The following PLS1 variants were observed in gnomAD, a reference collection of about 807,000 sequenced individuals.
PLS1 encodes plastin 1, also known as plastin-1.
A neutral mutation model predicts 73.7 loss-of-function variants in PLS1; 32 were observed. The ratio of observed to expected loss-of-function variants is 0.43; its 90% CI spans 0.33 to 0.58. The LOEUF (loss-of-function observed/expected upper bound fraction) is 0.58. Among genes scored for constraint, PLS1 ranks in the 20% least tolerant of loss-of-function variants. PLS1 has a pLI of 0.04. For synonymous variants in PLS1, 217 were observed against 261.3 expected (o/e 0.83, Z 1.63); for missense variants, 633 against 740.5 (o/e 0.85, Z 1.68).
chr3:142,656,484 A>G lies in PLS1; in HGVS notation c.-36-7718A>G, dbSNP rs1025253991. On this transcript the variant is annotated intron_variant, in intron 1 of 15. Coordinates refer to ENST00000457734, the MANE Select transcript of PLS1 (RefSeq NM_001145319.2). ...ATATCCCAATTCATACTTATATTCA[A>G]CAGTCAGTAGACATTCCAGTTAAAG... is the stretch of plus-strand genomic sequence containing the variant. 7 of 152,248 alleles carry G rather than the reference A, an allele frequency of 4.6e-5. No individual in the cohort carries two copies. In the East Asian group the frequency reaches 1.3e-3, roughly 29 times the overall value. The allele number at this position is 152,248 out of a possible 1,614,324, so 9.4% of individuals were successfully genotyped here. A position where few individuals can be genotyped will look rare whatever the true frequency, so the allele number is the denominator to read the frequency against.
chr3:142,701,186 T>C (rs1028637929), intron 12 of PLS1, among the ~76,000 whole-genome samples: 2 of 152,230 alleles, frequency 1.3e-5, no homozygotes, highest in Non-Finnish European at 2.9e-5. Flanking sequence ...TCTTCATCTT[T>C]TAGCCTGAGA....
chr3:142,707,283 G>A (rs985896678), intron 14 of PLS1, among the ~76,000 whole-genome samples: 2 of 152,134 alleles, frequency 1.3e-5, no homozygotes, highest in African/African-American at 4.8e-5. Context: ...GGCACTAGCA[G>A]AAAAATTTTA....
intron 1 of PLS1, among the ~76,000 whole-genome samples, chr3:142,621,368 C>T (rs540167641): frequency 6.6e-6 from 1 of 152,150 alleles, no homozygotes; most frequent in East Asian, 1.9e-4. Flanking sequence ...AGGGTAATGT[C>T]CCCATCTACC....
At chr3:142,634,193 G>T (rs1389635719) in intron 1 of PLS1, among the ~76,000 whole-genome samples, 2 of 152,174 alleles carry the variant, frequency 1.3e-5, no homozygotes, top group African/African-American at 4.8e-5. Context: ...ATAACTTTAA[G>T]TGGTCTAATA....
intron 4 of PLS1, 91 bp downstream of exon 4, chr3:142,671,213 T>G: frequency 9.0e-7 from 1 of 1,106,280 alleles, no homozygotes; most frequent in Non-Finnish European, 1.4e-6. Flanking sequence ...CTCATTGTGA[T>G]TCATACCGTT....
At chr3:142,626,336 C>A (rs1194181470) in intron 1 of PLS1, among the ~76,000 whole-genome samples, 1 of 152,128 alleles carries the variant, frequency 6.6e-6, no homozygotes, top group African/African-American at 2.4e-5. Flanking sequence ...AGAGCAAACT[C>A]CCTCGCTGCT....
chr3:142,688,228 A>G (rs113634086), intron 9 of PLS1, among the ~76,000 whole-genome samples: 2,758 of 152,216 alleles, frequency 0.018, 85 homozygotes, highest in African/African-American at 0.062. Context: ...GATTACAGGC[A>G]TGAGCCACCA....
At position 142,678,005 on chromosome 3, in the gene PLS1, A is replaced by G. The variant is rs762903207; in HGVS notation, c.498-27A>G. The G allele has an allele frequency of 1.5e-5, 18 of 1,191,832 alleles. 1 individual carries two copies. The South Asian group carries it at 2.5e-4, about 17-fold the overall frequency. The allele number at this position is 1,191,832 out of a possible 1,614,324, so 73.8% of individuals were successfully genotyped here. A position where few individuals can be genotyped will look rare whatever the true frequency, so the allele number is the denominator to read the frequency against. ...CTAAAAAAATTTCTTGGAGTATTAA[A>G]CTAAATTATTCTCATTTTCTCTTTA... On this transcript the variant is annotated intron_variant, in intron 5 of 15. Transcript: ENST00000457734.
intron 1 of PLS1, among the ~76,000 whole-genome samples, chr3:142,655,997 C>T (rs1178759262): frequency 1.3e-5 from 2 of 151,950 alleles, no homozygotes; most frequent in Non-Finnish European, 2.9e-5. Flanking sequence ...AGTCTCACTC[C>T]GTCACCCAGG....
rs375768031 is a variant in PLS1, at chr3:142,628,066, G to T, written c.-37+31557G>T. On this transcript the variant is annotated intron_variant, in intron 1 of 15. Coordinates refer to ENST00000457734, the MANE Select transcript of PLS1 (RefSeq NM_001145319.2). ...ATCTAATTTCAATGTCTACATAAAA[G>T]AAGCTCAGAGCTCTTTCTTGAATAT... Among the ~76,000 whole-genome samples, 13 of 152,276 alleles carry T rather than the reference G, an allele frequency of 8.5e-5. No homozygotes were observed. The South Asian group carries it at 2.3e-3, about 27-fold the overall frequency.
chr3:142,601,552 CAG>C (rs1400571325), intron 1 of PLS1, among the ~76,000 whole-genome samples: 2 of 152,016 alleles, frequency 1.3e-5, no homozygotes, highest in Non-Finnish European at 2.9e-5. Context: ...TTTTTAAAAA[CAG>C]GGTTTCAGTC....
intron 1 of PLS1, among the ~76,000 whole-genome samples, chr3:142,647,245 ATGT>A (rs1237560775): frequency 6.6e-6 from 1 of 152,206 alleles, no homozygotes; most frequent in African/African-American, 2.4e-5. Context: ...ATTAAAAGTG[ATGT>A]TGTTAACTAA....
intron 1 of PLS1, among the ~76,000 whole-genome samples, chr3:142,659,925 CTT>C (rs1254958232): frequency 2.0e-5 from 3 of 152,066 alleles, no homozygotes; most frequent in Admixed American, 6.6e-5. Flanking sequence ...ATTAAAGCCT[CTT>C]TTTTCCTTGC....
At chr3:142,711,381 C>A (rs898288485) in intron 14 of PLS1, 120 bp from the exon 15 acceptor site, 14 of 634,694 alleles carry the variant, frequency 2.2e-5, no homozygotes, top group Non-Finnish European at 3.5e-5. Context: ...AAAAGCTGAA[C>A]GTTAGGTTAA....
Position 142,711,578 on chromosome 3 carries a change from G to C in PLS1, c.1707G>C (p.Met569Ile), listed in dbSNP as rs746641003. The change falls in exon 15 of 16, where the codon ATG (methionine) becomes ATC (isoleucine). Residue 569 changes from methionine (M) to isoleucine (I), a missense_variant. Met to Ile is a conservative substitution (Grantham distance 10). Transcript: ENST00000457734. The part of the protein sequence containing the change: ...AIAPNAVRQE[M>I]IRRENLSDED... ...CACCAAATGCAGTTCGTCAAGAAAT[G>C]ATCAGGAGAGAAAACTTATCTGATG... 3 of 1,608,226 alleles carry C rather than the reference G, an allele frequency of 1.9e-6. No individual in the cohort carries two copies. The East Asian group carries it at 6.7e-5, about 36-fold the overall frequency.
intron 1 of PLS1, among the ~76,000 whole-genome samples, chr3:142,660,035 A>G (rs1341518773): frequency 6.6e-6 from 1 of 152,172 alleles, no homozygotes; most frequent in East Asian, 1.9e-4. Flanking sequence ...ATAAAATTGG[A>G]TTTGATCTTT....
intron 1 of PLS1, among the ~76,000 whole-genome samples, chr3:142,601,167 C>T (rs900284631): frequency 1.1e-4 from 16 of 150,464 alleles, no homozygotes; most frequent in South Asian, 4.2e-4. Flanking sequence ...CCTCGTGATC[C>T]GCCCGCCTTG....
chr3:142,689,753 A>AAC lies in PLS1; in HGVS notation c.1121_1122dup (p.Tyr375HisfsTer15). ...TTTAGCTTTTGTAGCTAATTTGTTT[A>AAC]ACACATACCCGTGCCTGCACAAGCC... On this transcript the variant is annotated frameshift_variant, in exon 10 of 16. Transcript: ENST00000457734. LOFTEE classifies it high-confidence loss of function. 6.2e-7 allele frequency: 1 copy of AAC among 1,611,120 alleles called. No individual in the cohort carries two copies. Among genetic ancestry groups the AAC allele is most frequent in the African/African-American group, 1.3e-5 (1 of 74,850 alleles).
At chr3:142,679,903 T>A (rs2037812204) in intron 6 of PLS1, among the ~76,000 whole-genome samples, 1 of 152,158 alleles carries the variant, frequency 6.6e-6, no homozygotes, top group Non-Finnish European at 1.5e-5. Flanking sequence ...TTCCTACCCA[T>A]GAGCATGGAA....
Sources: allele counts gnomAD v4.1 joint callset (sites outside exome capture counted in the v4.1 genomes callset), GRCh38; gene constraint gnomAD v4.1.1; transcripts MANE v1.5; gene names NCBI Gene and HGNC (gene_info 2026-07-23, HGNC 2026-07-21).